The following NKAIN3 variants were observed in gnomAD, a reference collection of about 807,000 sequenced individuals.
The protein encoded by NKAIN3 is sodium/potassium transporting ATPase interacting 3.
Under a neutral mutation model 30.2 loss-of-function variants are expected in NKAIN3, and 25 were observed. That is an observed-to-expected ratio of 0.83 (90% CI 0.60 to 1.16). NKAIN3 has a LOEUF of 1.16. Among genes scored for constraint, NKAIN3 ranks in the 50% most tolerant of loss-of-function variants. The pLI is 0.00. For missense variants in NKAIN3, 225 were observed against 254.1 expected, an observed-to-expected ratio of 0.89 and a Z score of 0.78; for synonymous variants, 91 against 89.6, an observed-to-expected ratio of 1.02 and a Z score of -0.09.
chr8:62,966,057 A>C lies in NKAIN3; in HGVS notation c.*650A>C. ...TCCTGATATATATATATATGTAGGCACATGGAAGAGTAAAAGGATTAGTAG... is the reference window on the plus strand; with the variant it reads ...TCCTGATATATATATATATGTAGGCCCATGGAAGAGTAAAAGGATTAGTAG... On this transcript the variant is annotated 3_prime_UTR_variant, in exon 7 of 7. Coordinates refer to ENST00000623646, the MANE Select transcript of NKAIN3 (RefSeq NM_001304533.3). 1 of 983,744 alleles carries C rather than the reference A, an allele frequency of 1.0e-6. No homozygotes were observed. Among genetic ancestry groups the C allele is most frequent in the Non-Finnish European group, 1.2e-6 (1 of 828,378 alleles). The allele number at this position is 983,744 out of a possible 1,614,324, so 60.9% of individuals were successfully genotyped here.
intron 3 of NKAIN3, among the ~76,000 whole-genome samples, chr8:62,644,570 A>G (rs1812400714): frequency 6.6e-6 from 1 of 152,116 alleles, no homozygotes; most frequent in South Asian, 2.1e-4. Flanking sequence ...ACTTTTAGGA[A>G]CTTTTTAAAG....
chr8:62,545,523 C>A (rs1448306960), intron 1 of NKAIN3, among the ~76,000 whole-genome samples: 6 of 152,138 alleles, frequency 3.9e-5, no homozygotes, highest in African/African-American at 1.4e-4. Context: ...GAGCTGAGAT[C>A]ATACCATTGC....
chr8:62,376,008 G>A (rs1463785084), intron 1 of NKAIN3, among the ~76,000 whole-genome samples: 3 of 152,198 alleles, frequency 2.0e-5, no homozygotes, highest in Non-Finnish European at 4.4e-5. Context: ...AAAGAGAAGA[G>A]ATGCAATCTC....
intron 3 of NKAIN3, among the ~76,000 whole-genome samples, chr8:62,612,293 C>T (rs80094000): frequency 0.024 from 3,591 of 152,036 alleles, 103 homozygotes; most frequent in African/African-American, 0.074. Context: ...TCTGGGTGCT[C>T]TCACATTGGG....
Position 62,745,576 on chromosome 8 carries a change from A to G in NKAIN3, c.274-1356A>G, listed in dbSNP as rs140578822. Among the ~76,000 whole-genome samples the G allele has an allele frequency of 7.2e-3, 1,092 of 152,234 alleles. 49 individuals carry two copies. The highest frequency in any genetic ancestry group is 0.066 in the Admixed American group (1,005 of 15,284). On this transcript the variant is annotated intron_variant, in intron 3 of 6. Transcript: ENST00000623646. ...TCCTGGTCCCTAATCTGTTCTTTTCAATCTATTGTTTATGACCACAACATT... is the reference window on the plus strand; with the variant it reads ...TCCTGGTCCCTAATCTGTTCTTTTCGATCTATTGTTTATGACCACAACATT...
In NKAIN3 at chr8:62,973,937, C is replaced by T. The variant is rs1487002385; in HGVS notation, c.*8530C>T. Among the ~76,000 whole-genome samples, 9 of 152,232 alleles carry T rather than the reference C, an allele frequency of 5.9e-5. No homozygotes were observed. The highest frequency in any genetic ancestry group is 1.9e-4 in the East Asian group (1 of 5,180). ...TAAATAGGAAATCCTTTCCCCATTG[C>T]TTGTTTTTATCAGGTTTGTCAAAGA... On this transcript the variant is annotated 3_prime_UTR_variant, in exon 7 of 7. Transcript: ENST00000623646.
intron 4 of NKAIN3, among the ~76,000 whole-genome samples, chr8:62,883,061 A>T (rs1821034757): frequency 2.6e-5 from 4 of 152,166 alleles, no homozygotes. Context: ...TGCTCTCCAT[A>T]TAAACTGTAG....
At position 62,966,045 on chromosome 8, in the gene NKAIN3, A is replaced by T; in HGVS notation, c.*638A>T. On this transcript the variant is annotated 3_prime_UTR_variant, in exon 7 of 7. Transcript: ENST00000623646. The stretch of plus-strand genomic sequence containing the variant: ...ATATCTTGTTTTTCCTGATATATAT[A>T]TATATGTAGGCACATGGAAGAGTAA... The T allele has an allele frequency of 3.0e-6, 3 of 984,032 alleles. No individual in the cohort carries two copies. The highest frequency in any genetic ancestry group is 3.6e-6 in the Non-Finnish European group (3 of 828,728). The allele number at this position is 984,032 out of a possible 1,614,324, so 61.0% of individuals were successfully genotyped here.
At chr8:62,363,762 G>A (rs1274428274) in intron 1 of NKAIN3, among the ~76,000 whole-genome samples, 2 of 152,162 alleles carry the variant, frequency 1.3e-5, no homozygotes, top group Non-Finnish European at 2.9e-5. Context: ...TGTCCAATAA[G>A]CTACCCCTTG....
At chr8:62,831,445 T>G (rs1468421105) in intron 4 of NKAIN3, among the ~76,000 whole-genome samples, 2 of 151,964 alleles carry the variant, frequency 1.3e-5, no homozygotes, top group Admixed American at 1.3e-4. Context: ...GATGCTCAAA[T>G]GAGATCCAAG....
intron 1 of NKAIN3, among the ~76,000 whole-genome samples, chr8:62,368,927 C>T (rs1816824433): frequency 6.6e-6 from 1 of 151,618 alleles, no homozygotes; most frequent in Non-Finnish European, 1.5e-5. Flanking sequence ...TTTAGAGAGT[C>T]TCCCTTGCAG....
At chr8:62,939,531 A>C (rs1822888896) in intron 5 of NKAIN3, among the ~76,000 whole-genome samples, 1 of 152,212 alleles carries the variant, frequency 6.6e-6, no homozygotes, top group Admixed American at 6.5e-5. Context: ...ATAAAGGAAA[A>C]CCTATCAGAT....
chr8:62,664,730 T>G (rs986904327), intron 3 of NKAIN3, among the ~76,000 whole-genome samples: 1 of 152,172 alleles, frequency 6.6e-6, no homozygotes, highest in Admixed American at 6.5e-5. Flanking sequence ...ATTCCACTCA[T>G]GTTCTTCTCC....
In NKAIN3 at chr8:62,974,889, G is replaced by A. The variant is rs561647009; in HGVS notation, c.*9482G>A. Among the ~76,000 whole-genome samples the A allele has an allele frequency of 2.5e-4, 38 of 152,186 alleles. No homozygotes were observed. Among genetic ancestry groups the A allele is most frequent in the African/African-American group, 7.9e-4 (33 of 41,528 alleles). On this transcript the variant is annotated 3_prime_UTR_variant, in exon 7 of 7. Coordinates refer to ENST00000623646, the MANE Select transcript of NKAIN3 (RefSeq NM_001304533.3). ...GCATGAAGGAGGGTTGAATTTTGTC[G>A]AAGGCCTTTTCCGCATCTATTGAGA... is the stretch of plus-strand genomic sequence containing the variant.
At chr8:62,355,839 T>C (rs1816334012) in intron 1 of NKAIN3, among the ~76,000 whole-genome samples, 1 of 152,198 alleles carries the variant, frequency 6.6e-6, no homozygotes, top group African/African-American at 2.4e-5. Context: ...TAAGTTTATT[T>C]TTAATACAGC....
At chr8:62,527,653 G>A (rs1808346782) in intron 1 of NKAIN3, among the ~76,000 whole-genome samples, 1 of 151,976 alleles carries the variant, frequency 6.6e-6, no homozygotes, top group Non-Finnish European at 1.5e-5. Context: ...TAACACTATG[G>A]ACTAGTTAAG....
intron 1 of NKAIN3, among the ~76,000 whole-genome samples, chr8:62,367,923 C>T (rs4737603): frequency 0.97 from 147,541 of 152,202 alleles, 71,569 homozygotes; most frequent in East Asian, 1. Flanking sequence ...AGTGTCTCTA[C>T]ACTAATGAGG....
intron 3 of NKAIN3, among the ~76,000 whole-genome samples, chr8:62,597,789 CTA>C: frequency 6.6e-6 from 1 of 152,040 alleles, no homozygotes; most frequent in South Asian, 2.1e-4. Flanking sequence ...CTTCCCAAGT[CTA>C]TGACTTAACC....
intron 1 of NKAIN3, among the ~76,000 whole-genome samples, chr8:62,570,314 A>G (rs183544755): frequency 1.3e-5 from 2 of 152,372 alleles, no homozygotes; most frequent in East Asian, 1.9e-4. Context: ...ACAATTAAGA[A>G]TAAGTGTTAT....
Sources: gnomAD v4.1 joint callset for allele counts (sites outside exome capture counted in the v4.1 genomes callset) on GRCh38, gnomAD v4.1.1 for gene constraint, MANE v1.5 for transcripts, NCBI Gene and HGNC (gene_info 2026-07-23, HGNC 2026-07-21) for gene names.